Variants in MIPOL1 observed in about 807,000 individuals in gnomAD.
MIPOL1 encodes mirror-image polydactyly 1.
In MIPOL1, 57 loss-of-function variants were observed where a neutral mutation model predicts 60.9. The observed-to-expected ratio is 0.94, with a 90% CI of 0.76 to 1.17. MIPOL1 has a LOEUF of 1.17. Ranked by LOEUF, MIPOL1 falls within the 50% of genes most tolerant of loss-of-function variation. The probability of loss-of-function intolerance (pLI) is 0.00; values close to 1 mark genes in which losing one functional copy is unlikely to be tolerated. For synonymous variants in MIPOL1, 179 were observed against 168.8 expected, an observed-to-expected ratio of 1.06 and a Z score of -0.47; for missense variants, 551 against 511.6, an observed-to-expected ratio of 1.08 and a Z score of -0.74.
intron 12 of MIPOL1, among the ~76,000 whole-genome samples, chr14:37,544,782 A>G (rs1305730867): frequency 1.3e-5 from 2 of 152,230 alleles, no homozygotes; most frequent in Non-Finnish European, 2.9e-5. Context: ...TTGAGATTGT[A>G]GTTGATGTGG....
At chr14:37,271,155 AT>A in intron 6 of MIPOL1, among the ~76,000 whole-genome samples, 1 of 152,166 alleles carries the variant, frequency 6.6e-6, no homozygotes, top group African/African-American at 2.4e-5. Context: ...TATTTTTGAT[AT>A]GTTATAGATA....
intron 7 of MIPOL1, among the ~76,000 whole-genome samples, chr14:37,307,304 A>G (rs1016906305): frequency 6.6e-6 from 1 of 151,928 alleles, no homozygotes; most frequent in Non-Finnish European, 1.5e-5. Context: ...ATTACTTTGA[A>G]TGGTTGCCTA....
intron 11 of MIPOL1, among the ~76,000 whole-genome samples, chr14:37,469,913 C>G (rs1413484855): frequency 1.3e-5 from 2 of 152,136 alleles, no homozygotes; most frequent in Non-Finnish European, 2.9e-5. Context: ...TGTAAACTAC[C>G]CAGTCTGTAG....
chr14:37,449,555 C>T (rs2094387818), intron 11 of MIPOL1, among the ~76,000 whole-genome samples: 1 of 152,092 alleles, frequency 6.6e-6, no homozygotes. Context: ...AAATAGGAAA[C>T]AACATTGCTG....
In MIPOL1 at chr14:37,476,471, T is replaced by C. The variant is rs990661472; in HGVS notation, c.1032-23437T>C. ...ATTAGCTAGGACTTCTAGTGCGATG[T>C]TGAATAGAAGTAGTGAGAGGGCACT... On this transcript the variant is annotated intron_variant, in intron 11 of 12. Transcript: ENST00000684589. 7.2e-5 allele frequency among the ~76,000 whole-genome samples: 11 copies of C among 152,310 alleles called. No individual in the cohort carries two copies. The East Asian group carries it at 1.9e-3, about 27-fold the overall frequency.
chr14:37,459,866 G>A (rs185407198), intron 11 of MIPOL1, among the ~76,000 whole-genome samples: 1 of 152,234 alleles, frequency 6.6e-6, no homozygotes, highest in East Asian at 1.9e-4. Context: ...GTTGAGGTCA[G>A]GAGTTTGAGA....
At chr14:37,494,926 G>C (rs967263414) in intron 11 of MIPOL1, among the ~76,000 whole-genome samples, 1 of 151,852 alleles carries the variant, frequency 6.6e-6, no homozygotes, top group Non-Finnish European at 1.5e-5. Context: ...TTGAACTTGC[G>C]GGTACAATCC....
At chr14:37,371,765 T>C (rs1323427139) in intron 10 of MIPOL1, among the ~76,000 whole-genome samples, 1 of 152,200 alleles carries the variant, frequency 6.6e-6, no homozygotes, top group East Asian at 1.9e-4. Flanking sequence ...ATTTGCTTTA[T>C]TCTGAATCAT....
chr14:37,318,103 T>G (rs2088126390), intron 9 of MIPOL1, among the ~76,000 whole-genome samples: 2 of 152,164 alleles, frequency 1.3e-5, no homozygotes, highest in East Asian at 3.9e-4. Flanking sequence ...AGATTGAGAT[T>G]AGGGAGTGCA....
chr14:37,435,649 TAAC>T (rs1436956327), intron 11 of MIPOL1, among the ~76,000 whole-genome samples: 2 of 152,156 alleles, frequency 1.3e-5, no homozygotes, highest in Non-Finnish European at 2.9e-5. Context: ...ATTAGAAACT[TAAC>T]AGCAGGTTGC....
At chr14:37,509,582 A>G (rs1279239653) in intron 12 of MIPOL1, among the ~76,000 whole-genome samples, 1 of 151,714 alleles carries the variant, frequency 6.6e-6, no homozygotes, top group Non-Finnish European at 1.5e-5. Context: ...AAGCCTATAT[A>G]TATGTACATA....
intron 9 of MIPOL1, among the ~76,000 whole-genome samples, chr14:37,341,788 C>G (rs921891013): frequency 1.3e-5 from 2 of 152,104 alleles, no homozygotes; most frequent in East Asian, 1.9e-4. Flanking sequence ...TTCTGTAGTT[C>G]TAGCTGTTTG....
intron 9 of MIPOL1, among the ~76,000 whole-genome samples, chr14:37,334,387 C>G (rs2089958507): frequency 6.6e-6 from 1 of 151,630 alleles, no homozygotes; most frequent in Non-Finnish European, 1.5e-5. Context: ...ATTTTAAGAC[C>G]CTAAAACTAT....
intron 1 of MIPOL1, among the ~76,000 whole-genome samples, chr14:37,237,477 A>G (rs576500889): frequency 6.6e-6 from 1 of 152,152 alleles, no homozygotes; most frequent in Non-Finnish European, 1.5e-5. Context: ...TATTTTCTAT[A>G]GCTCCAGCCA....
At chr14:37,379,086 ATAG>A (rs1216547574) in intron 10 of MIPOL1, among the ~76,000 whole-genome samples, 1 of 152,104 alleles carries the variant, frequency 6.6e-6, no homozygotes, top group Non-Finnish European at 1.5e-5. Flanking sequence ...AGTAATCAAG[ATAG>A]TATGGTAATA....
chr14:37,405,435 C>T (rs139055324), intron 10 of MIPOL1, among the ~76,000 whole-genome samples: 6 of 152,186 alleles, frequency 3.9e-5, no homozygotes, highest in Non-Finnish European at 5.9e-5. Context: ...TCAGTTTACT[C>T]GTTTTAATGT....
rs530750995 is a variant in MIPOL1, at chr14:37,548,700, A to T, written c.*1729A>T. The T allele has an allele frequency of 6.6e-6, 1 of 152,108 alleles. No homozygotes were observed. The highest frequency in any genetic ancestry group is 1.5e-5 in the Non-Finnish European group (1 of 67,850). 9.4% of individuals were successfully genotyped at this position (152,108 alleles called of 1,614,324 possible). A position where few individuals can be genotyped will look rare whatever the true frequency, so the allele number is the denominator to read the frequency against. On this transcript the variant is annotated 3_prime_UTR_variant, in exon 13 of 13. Coordinates refer to ENST00000684589, the MANE Select transcript of MIPOL1 (RefSeq NM_001388067.1). ...GTAGTCCATTCCTGATCTCACTTAA[A>T]ATAAATCACAAGTAAATTTGAATTT...
intron 11 of MIPOL1, among the ~76,000 whole-genome samples, chr14:37,445,590 A>G (rs2094320959): frequency 6.6e-6 from 1 of 151,732 alleles, no homozygotes; most frequent in Admixed American, 6.6e-5. Context: ...TTCATATGGA[A>G]CCAAAAAAGA....
At chr14:37,355,812 A>AC (rs1567616756) in intron 9 of MIPOL1, among the ~76,000 whole-genome samples, 1 of 149,538 alleles carries the variant, frequency 6.7e-6, no homozygotes, top group East Asian at 2.0e-4. Context: ...ATTCTTCTAA[A>AC]TTTTTTTCAA....
Sources: gnomAD v4.1 joint callset for allele counts (sites outside exome capture counted in the v4.1 genomes callset) on GRCh38, gnomAD v4.1.1 for gene constraint, MANE v1.5 for transcripts, NCBI Gene and HGNC (gene_info 2026-07-23, HGNC 2026-07-21) for gene names.